The following XYLB variants were observed in gnomAD, a reference collection of about 807,000 sequenced individuals.
The protein encoded by XYLB is xylulokinase.
In XYLB, 62 loss-of-function variants were observed where a neutral mutation model predicts 78.7. The observed-to-expected ratio is 0.79, with a 90% CI of 0.64 to 0.97. The LOEUF is 0.97. XYLB is among the 50% of genes least tolerant of loss of function. The probability of loss-of-function intolerance (pLI) is 0.00; values close to 1 mark genes in which losing one functional copy is unlikely to be tolerated. For missense variants in XYLB, 687 were observed against 676.8 expected (o/e 1.02, Z -0.17); for synonymous variants, 245 against 247.4 (o/e 0.99, Z 0.09).
chr3:38,407,681 G>A lies in XYLB; in HGVS notation c.1534-5255G>A, dbSNP rs1342070389. The stretch of plus-strand genomic sequence containing the variant: ...ACACATAGGCTCAAAATAAAAGGAT[G>A]GAGGAAGATCTACCAAACAAATGGA... On this transcript the variant is annotated intron_variant, in intron 18 of 18. Transcript: ENST00000207870. Among the ~76,000 whole-genome samples the A allele has an allele frequency of 3.3e-5, 5 of 152,108 alleles. No individual in the cohort carries two copies. The East Asian group carries it at 9.6e-4, about 29-fold the overall frequency.
At chr3:38,430,551 T>C in the XYLB span, among the ~76,000 whole-genome samples, 7 of 152,252 alleles carry the variant, frequency 4.6e-5, no homozygotes, top group African/African-American at 1.4e-4. Flanking sequence ...AGAAGCTCTT[T>C]AGTTTAATTA....
intron 15 of XYLB, among the ~76,000 whole-genome samples, chr3:38,391,224 A>G (rs1707638572): frequency 5.6e-4 from 1 of 1,784 alleles, no homozygotes. Flanking sequence ...AAAAACAACA[A>G]CAACAACAAC....
At chr3:38,409,200 G>A (rs544221980) in intron 18 of XYLB, among the ~76,000 whole-genome samples, 1 of 152,280 alleles carries the variant, frequency 6.6e-6, no homozygotes, top group East Asian at 1.9e-4. Flanking sequence ...GATCAAGTGG[G>A]CCTCATCCCT....
intron 10 of XYLB, among the ~76,000 whole-genome samples, chr3:38,373,217 T>G (rs948986486): frequency 2.0e-5 from 3 of 152,032 alleles, no homozygotes; most frequent in Admixed American, 1.3e-4. Context: ...TTCCTCCTCC[T>G]CTCCTCTGGG....
intron 18 of XYLB, among the ~76,000 whole-genome samples, chr3:38,406,641 T>A (rs1388109244): frequency 6.6e-6 from 1 of 151,930 alleles, no homozygotes; most frequent in East Asian, 1.9e-4. Context: ...TTGAAAAAAA[T>A]TTAGATGAAT....
intron 2 of XYLB, among the ~76,000 whole-genome samples, chr3:38,352,918 A>G (rs1027829354): frequency 1.3e-5 from 2 of 152,168 alleles, no homozygotes; most frequent in East Asian, 1.9e-4. Flanking sequence ...TTTCACTGTT[A>G]TATGGGGTTT....
At chr3:38,397,904 T>C (rs768665493) in intron 17 of XYLB, among the ~76,000 whole-genome samples, 1 of 150,812 alleles carries the variant, frequency 6.6e-6, no homozygotes, top group African/African-American at 2.4e-5. Context: ...ATGCAAGCTC[T>C]GCCTCCCGGG....
At chr3:38,373,226 G>A (rs1268951207) in intron 10 of XYLB, among the ~76,000 whole-genome samples, 1 of 151,802 alleles carries the variant, frequency 6.6e-6, no homozygotes, top group East Asian at 1.9e-4. Flanking sequence ...CTCTCCTCTG[G>A]GTAGCCCTGA....
intron 15 of XYLB, among the ~76,000 whole-genome samples, chr3:38,389,385 T>C (rs1707546221): frequency 6.6e-6 from 1 of 152,004 alleles, no homozygotes; most frequent in Non-Finnish European, 1.5e-5. Flanking sequence ...TCTCAATCTT[T>C]TCCCCACCTT....
the XYLB span, among the ~76,000 whole-genome samples, chr3:38,438,779 T>TTGTCCC: frequency 6.6e-6 from 1 of 152,160 alleles, no homozygotes; most frequent in African/African-American, 2.4e-5. Context: ...ATTCCCTTAT[T>TTGTCCC]TGTCCCTGCC....
chr3:38,426,593 T>C, the XYLB span, among the ~76,000 whole-genome samples: 1 of 152,376 alleles, frequency 6.6e-6, no homozygotes, highest in Non-Finnish European at 1.5e-5. Context: ...GAATGATGAC[T>C]GTGCTTTTAA....
chr3:38,415,710 G>A (rs928450177), downstream of XYLB, among the ~76,000 whole-genome samples: 6 of 152,080 alleles, frequency 3.9e-5, no homozygotes, highest in Non-Finnish European at 5.9e-5. Flanking sequence ...TTGAACCCGG[G>A]GGCAGAGATT....
intron 2 of XYLB, among the ~76,000 whole-genome samples, chr3:38,349,581 G>A (rs1244193789): frequency 1.3e-5 from 2 of 152,158 alleles, no homozygotes; most frequent in East Asian, 1.9e-4. Flanking sequence ...TGTAAGGGTG[G>A]GATTTCTGGC....
intron 2 of XYLB, among the ~76,000 whole-genome samples, chr3:38,351,426 A>G (rs1185545390): frequency 6.6e-6 from 1 of 152,016 alleles, no homozygotes; most frequent in Non-Finnish European, 1.5e-5. Flanking sequence ...GCTTTTTTCC[A>G]TTATATTTTC....
the XYLB span, among the ~76,000 whole-genome samples, chr3:38,427,468 G>GT: frequency 1.3e-5 from 2 of 152,150 alleles, no homozygotes; most frequent in Non-Finnish European, 2.9e-5. Context: ...GGTCATTTGT[G>GT]TTTTTTCTGA....
chr3:38,365,528 G>A, intron 5 of XYLB, 80 bp from the exon 6 acceptor site: 1 of 1,545,788 alleles, frequency 6.5e-7, no homozygotes, highest in African/African-American at 1.4e-5. Flanking sequence ...GCCGTGATGG[G>A]CAGTGTGACC....
At chr3:38,430,257 G>A in the XYLB span, among the ~76,000 whole-genome samples, 135 of 152,298 alleles carry the variant, frequency 8.9e-4, no homozygotes, top group Middle Eastern at 3.4e-3. Flanking sequence ...TCTAACTGGC[G>A]TGAGACAGTA....
intron 17 of XYLB, among the ~76,000 whole-genome samples, chr3:38,398,562 C>G (rs764147078): frequency 4.6e-5 from 7 of 152,062 alleles, no homozygotes; most frequent in Non-Finnish European, 1.0e-4. Context: ...ATATCAAGAT[C>G]ACTTGGGAAT....
At chr3:38,404,511 C>A (rs762431893) in intron 18 of XYLB, among the ~76,000 whole-genome samples, 3 of 152,224 alleles carry the variant, frequency 2.0e-5, no homozygotes, top group Non-Finnish European at 2.9e-5. Flanking sequence ...GTTGCATAAT[C>A]AGTTGTTAAA....
Sources: allele counts gnomAD v4.1 joint callset (sites outside exome capture counted in the v4.1 genomes callset), GRCh38; gene constraint gnomAD v4.1.1; transcripts MANE v1.5; gene names NCBI Gene and HGNC (gene_info 2026-07-23, HGNC 2026-07-21).